MYCBP2: variants seen among roughly 807,000 people sequenced by gnomAD.
MYCBP2 encodes the protein E3 ubiquitin-protein ligase MYCBP2.
In MYCBP2, 120 loss-of-function variants were observed where a neutral mutation model predicts 525.3. The ratio of observed to expected loss-of-function variants is 0.23; its 90% CI spans 0.20 to 0.27. MYCBP2 has a LOEUF of 0.27. MYCBP2 is among the 10% of genes least tolerant of loss of function. The probability of loss-of-function intolerance (pLI) is 1.00; values close to 1 mark genes in which losing one functional copy is unlikely to be tolerated. For synonymous variants in MYCBP2, 1,894 were observed against 1,955.8 expected (o/e 0.97, Z 0.83); for missense variants, 4,149 against 5,657.1 (o/e 0.73, Z 8.55).
In MYCBP2 at chr13:77,067,881, A is replaced by C; in HGVS notation, c.12172-17T>G. The C allele has an allele frequency of 6.3e-7, 1 of 1,592,724 alleles. No individual in the cohort carries two copies. Among genetic ancestry groups the C allele is most frequent in the Non-Finnish European group, 8.6e-7 (1 of 1,169,114 alleles). On this transcript the variant is annotated splice_polypyrimidine_tract_variant and intron_variant, in intron 70 of 82. Coordinates refer to ENST00000544440, the MANE Select transcript of MYCBP2 (RefSeq NM_015057.5). The stretch of plus-strand genomic sequence containing the variant: ...AGAGGTTACCTGGTAAGAAAAATAA[A>C]ATGAGAGAATTCCATGTAAAGACTA...
chr13:77,243,648 TA>T (rs2069297719), intron 16 of MYCBP2, among the ~76,000 whole-genome samples, 157 bp downstream of exon 16: 2 of 151,912 alleles, frequency 1.3e-5, no homozygotes, highest in South Asian at 4.2e-4. Context: ...TCTCATCCCT[TA>T]AACAATGTCA....
intron 4 of MYCBP2, among the ~76,000 whole-genome samples, chr13:77,275,077 G>A (rs896257116): frequency 1.5e-4 from 23 of 151,738 alleles, no homozygotes; most frequent in South Asian, 2.1e-4. Flanking sequence ...AATATATACC[G>A]AACTCTCACA....
At chr13:77,292,344 T>C (rs1032808858) in intron 2 of MYCBP2, among the ~76,000 whole-genome samples, 9 of 152,106 alleles carry the variant, frequency 5.9e-5, no homozygotes, top group African/African-American at 2.2e-4. Context: ...TGAGTCCTTC[T>C]GGCAAATCAA....
chr13:77,238,237 C>T (rs1158601053), intron 17 of MYCBP2, among the ~76,000 whole-genome samples: 9 of 122,246 alleles, frequency 7.4e-5, no homozygotes, highest in Admixed American at 9.1e-5. Context: ...AGCGAGACTC[C>T]GTCTCAAAAA....
intron 7 of MYCBP2, among the ~76,000 whole-genome samples, chr13:77,269,191 G>T (rs1278449437): frequency 6.6e-6 from 1 of 152,182 alleles, no homozygotes; most frequent in Non-Finnish European, 1.5e-5. Flanking sequence ...TTTCTCTCTT[G>T]TGATTCTTTG....
intron 55 of MYCBP2, among the ~76,000 whole-genome samples, chr13:77,120,476 G>C (rs1011433172): frequency 4.6e-5 from 7 of 152,092 alleles, no homozygotes; most frequent in Admixed American, 3.3e-4. Context: ...TGTTCTTCAA[G>C]TCAGGTATAA....
At chr13:77,243,015 G>T (rs1412713518) in intron 17 of MYCBP2, 44 bp downstream of exon 17, 1 of 1,535,886 alleles carries the variant, frequency 6.5e-7, no homozygotes, top group Non-Finnish European at 9.0e-7. Context: ...GATAGGGTAG[G>T]AAAGTGGATT....
At chr13:77,263,515 C>T in intron 10 of MYCBP2, 136 bp downstream of exon 10, 1 of 613,610 alleles carries the variant, frequency 1.6e-6, no homozygotes, top group East Asian at 2.9e-5. Flanking sequence ...TCAAAATTAT[C>T]CTTTATATTA....
intron 68 of MYCBP2, among the ~76,000 whole-genome samples, chr13:77,073,189 C>G (rs935695450): frequency 6.6e-5 from 10 of 151,748 alleles, no homozygotes; most frequent in Admixed American, 6.6e-4. Flanking sequence ...GAACTGTATA[C>G]AAGCTAGTAT....
intron 52 of MYCBP2, among the ~76,000 whole-genome samples, chr13:77,132,059 A>G (rs1251028156): frequency 6.6e-6 from 1 of 152,214 alleles, no homozygotes; most frequent in Admixed American, 6.5e-5. Context: ...ATATATTATT[A>G]CAATCTTAAT....
chr13:77,262,310 TAA>T (rs1339740355), intron 10 of MYCBP2, among the ~76,000 whole-genome samples, 181 bp from the exon 11 acceptor site: 3 of 152,084 alleles, frequency 2.0e-5, no homozygotes, highest in Non-Finnish European at 4.4e-5. Flanking sequence ...CAAGGAAAGA[TAA>T]AGTTATCATA....
At chr13:77,267,409 A>T (rs9565329) in intron 8 of MYCBP2, among the ~76,000 whole-genome samples, 100,917 of 146,166 alleles carry the variant, frequency 0.69, 36,402 homozygotes, top group Admixed American at 0.8. Context: ...AAAATAAAAT[A>T]AAATTAAATT....
At chr13:77,057,510 T>C (rs945987439) in intron 78 of MYCBP2, among the ~76,000 whole-genome samples, 1 of 152,178 alleles carries the variant, frequency 6.6e-6, no homozygotes, top group African/African-American at 2.4e-5. Flanking sequence ...ACCTATTTAG[T>C]GCACAGTAAC....
intron 36 of MYCBP2, 103 bp downstream of exon 36, chr13:77,176,394 C>G: frequency 3.0e-6 from 3 of 984,064 alleles, no homozygotes; most frequent in Non-Finnish European, 4.2e-6. Flanking sequence ...GGATAACTTA[C>G]AAATAGCTAT....
Position 77,326,696 on chromosome 13 carries a change from G to T in MYCBP2, c.80C>A (p.Thr27Asn), listed in dbSNP as rs755263105. 6.9e-6 allele frequency: 10 copies of T among 1,441,856 alleles called. No individual in the cohort carries two copies. In the African/African-American group the frequency reaches 1.0e-4, roughly 15 times the overall value. The allele number at this position is 1,441,856 out of a possible 1,614,324, so 89.3% of individuals were successfully genotyped here. ...LGGDGFYPAATFSSSPAPGAL... is the reference protein window; with the variant it reads ...LGGDGFYPAANFSSSPAPGAL... ...CCCCGGCGCCGGGGAGGAAGAGAAG[G>T]TGGCGGCTGGGTAGAATCCGTCCCC... is the stretch of plus-strand genomic sequence containing the variant. The change falls in exon 1 of 83, where the codon ACC becomes AAC. Residue 27 changes from threonine to asparagine, a missense_variant. Physicochemically the swap from Thr to Asn is moderately conservative, Grantham distance 65. This residue lies in a region of MYCBP2 where 413 missense variants were observed against 451.2 expected (regional missense o/e 0.92). Transcript: ENST00000544440. This position sits in a 1 kb window ranked among gnomAD's most constrained non-coding sequence, Gnocchi z 4.2.
At chr13:77,106,122 T>A (rs2047811952) in intron 55 of MYCBP2, among the ~76,000 whole-genome samples, 1 of 152,134 alleles carries the variant, frequency 6.6e-6, no homozygotes, top group South Asian at 2.1e-4. Context: ...AACCACAAAC[T>A]AGAAGAATCA....
rs2044853752 is a variant in MYCBP2, at chr13:77,088,954, C to T, written c.10603G>A (p.Gly3535Arg). 1.2e-6 allele frequency: 2 copies of T among 1,613,376 alleles called. No individual in the cohort carries two copies. The highest frequency in any genetic ancestry group is 1.3e-5 in the African/African-American group (1 of 74,870). ...ACTGGCCACTGGAAATTTCGTTCTC[C>T]TTTAGAAAGAGAGCTGTGGGCTGAG... is the stretch of plus-strand genomic sequence containing the variant. Reference protein sequence around the residue: ...LISAHSSLSKGERNFQWPVLA... With the variant: ...LISAHSSLSKRERNFQWPVLA... Residue 3535 changes from glycine to arginine, a missense_variant, in exon 61 of 83, where the codon GGA becomes AGA. Physicochemically the swap from Gly to Arg is moderately radical, Grantham distance 125. This residue lies in a region of MYCBP2 where 509 missense variants were observed against 789.4 expected (regional missense o/e 0.64). Coordinates refer to ENST00000544440, the MANE Select transcript of MYCBP2 (RefSeq NM_015057.5).
At chr13:77,263,877 T>A in intron 9 of MYCBP2, 52 bp downstream of exon 9, 1 of 1,606,480 alleles carries the variant, frequency 6.2e-7, no homozygotes, top group Non-Finnish European at 8.5e-7. Context: ...CTAAATAATT[T>A]AAGGAAAAGG....
At chr13:77,157,367 G>A (rs539065842) in intron 45 of MYCBP2, among the ~76,000 whole-genome samples, 18 of 152,208 alleles carry the variant, frequency 1.2e-4, no homozygotes, top group Non-Finnish European at 2.4e-4. Context: ...GGGACTACAG[G>A]AGTGTGCCAC....
Sources: allele counts gnomAD v4.1 joint callset (sites outside exome capture counted in the v4.1 genomes callset), GRCh38; gene constraint gnomAD v4.1.1; regional missense constraint gnomAD v4.1.1; non-coding constraint Gnocchi (gnomAD v3.1); transcripts MANE v1.5; gene names NCBI Gene and HGNC (gene_info 2026-07-23, HGNC 2026-07-21).